DDAH1: variants seen among roughly 807,000 people sequenced by gnomAD.
DDAH1 encodes the protein dimethylarginine dimethylaminohydrolase 1.
A neutral mutation model predicts 28.8 loss-of-function variants in DDAH1; 19 were observed. The observed-to-expected ratio is 0.66, with a 90% CI of 0.46 to 0.97. DDAH1 has a LOEUF of 0.97. Among genes scored for constraint, DDAH1 ranks in the 50% least tolerant of loss-of-function variants. DDAH1 has a pLI of 0.00. For synonymous variants in DDAH1, 153 were observed against 154.4 expected, an observed-to-expected ratio of 0.99 and a Z score of 0.07; for missense variants, 326 against 375.9, an observed-to-expected ratio of 0.87 and a Z score of 1.10.
intron 1 of DDAH1, among the ~76,000 whole-genome samples, chr1:85,506,743 T>C (rs10493769): frequency 0.31 from 47,120 of 152,124 alleles, 7,586 homozygotes; most frequent in East Asian, 0.5. Context: ...GACTTTACCA[T>C]GTGGGTGATG....
At chr1:85,528,237 T>A (rs1657940792) in intron 1 of DDAH1, among the ~76,000 whole-genome samples, 1 of 151,558 alleles carries the variant, frequency 6.6e-6, no homozygotes, top group African/African-American at 2.4e-5. Context: ...TAAAAAAAAA[T>A]TTCACAAAAC....
At chr1:85,497,636 C>CA (rs1656647118) in intron 1 of DDAH1, among the ~76,000 whole-genome samples, 1 of 152,074 alleles carries the variant, frequency 6.6e-6, no homozygotes, top group Admixed American at 6.5e-5. Context: ...AACTGAGATA[C>CA]ACATGATTGC....
Position 85,428,839 on chromosome 1 carries a change from G to GCCTT in DDAH1, c.303+35900_303+35903dup, listed in dbSNP as rs535932636. Reference sequence around the variant, plus strand: ...TGCTGGATTAAAATTTTCTGGTGCAGCCTTCTTCTATTGAATATGTATGAT... The same window carrying GCCTT: ...TGCTGGATTAAAATTTTCTGGTGCAGCCTTCCTTCTTCTATTGAATATGTATGAT... On this transcript the variant is annotated intron_variant, in intron 1 of 5. Coordinates refer to ENST00000284031, the MANE Select transcript of DDAH1 (RefSeq NM_012137.4). Among the ~76,000 whole-genome samples the GCCTT allele has an allele frequency of 1.4e-3, 214 of 152,058 alleles. 1 individual carries two copies. Among genetic ancestry groups the GCCTT allele is most frequent in the African/African-American group, 4.8e-3 (198 of 41,492 alleles).
intron 1 of DDAH1, among the ~76,000 whole-genome samples, chr1:85,443,515 T>C (rs895065472): frequency 1.3e-5 from 2 of 152,200 alleles, no homozygotes; most frequent in Non-Finnish European, 2.9e-5. Context: ...TGGGGGCTCT[T>C]TGTTGGTTCC....
intron 4 of DDAH1, among the ~76,000 whole-genome samples, chr1:85,344,546 C>T (rs1648717842): frequency 6.6e-6 from 1 of 151,830 alleles, no homozygotes; most frequent in Admixed American, 6.6e-5. Context: ...CCCCTGACCT[C>T]CCTCCCTCTC....
chr1:85,416,112 G>A (rs555312500), intron 1 of DDAH1, among the ~76,000 whole-genome samples: 1 of 152,028 alleles, frequency 6.6e-6, no homozygotes, highest in East Asian at 1.9e-4. Flanking sequence ...CTTATGTTAG[G>A]ACATATTTGC....
intron 1 of DDAH1, among the ~76,000 whole-genome samples, chr1:85,558,039 G>C (rs1408258165): frequency 1.3e-5 from 2 of 151,766 alleles, no homozygotes; most frequent in Non-Finnish European, 2.9e-5. Context: ...AGGAGACAAA[G>C]AAAATGCACT....
At chr1:85,570,190 T>C (rs1422984869) in intron 1 of DDAH1, among the ~76,000 whole-genome samples, 1 of 152,182 alleles carries the variant, frequency 6.6e-6, no homozygotes, top group Non-Finnish European at 1.5e-5. Context: ...ATAGCAAGTG[T>C]ACCCTCTGAC....
chr1:85,333,030 C>CG (rs35901619), intron 4 of DDAH1, among the ~76,000 whole-genome samples: 52,907 of 152,094 alleles, frequency 0.35, 9,324 homozygotes, highest in South Asian at 0.4. Context: ...AAAATCAGCC[C>CG]TCTGGACTTG....
At chr1:85,505,289 T>G (rs1231523196) in intron 1 of DDAH1, among the ~76,000 whole-genome samples, 1 of 152,092 alleles carries the variant, frequency 6.6e-6, no homozygotes, top group Non-Finnish European at 1.5e-5. Flanking sequence ...AATATCATAA[T>G]TATTCTTATT....
intron 1 of DDAH1, among the ~76,000 whole-genome samples, chr1:85,540,169 G>A (rs1658428289): frequency 6.6e-6 from 1 of 152,002 alleles, no homozygotes; most frequent in Non-Finnish European, 1.5e-5. Context: ...CTAGTAAATA[G>A]AGTATCATCC....
rs574613608 is a variant in DDAH1 at position 85,358,858 on chromosome 1, T to C, written c.304-11A>G. 7.4e-5 allele frequency: 116 copies of C among 1,563,396 alleles called. 1 individual carries two copies. In the South Asian group the frequency reaches 1.1e-3, roughly 15 times the overall value. ...TTTCATCATGTCAACCTGTTGAAAA[T>C]AAAATGATTCAGATTACTATGCTAC... On this transcript the variant is annotated splice_polypyrimidine_tract_variant and intron_variant, in intron 1 of 5. Coordinates refer to ENST00000284031, the MANE Select transcript of DDAH1 (RefSeq NM_012137.4).
rs1557495810 is a variant in DDAH1 at position 85,346,052 on chromosome 1, A to G, written c.597+4363T>C. On this transcript the variant is annotated intron_variant, in intron 4 of 5. Transcript: ENST00000284031. ...AATCCACTTCATTAACCAAGAGTAG[A>G]TTGCAACCCATTACAAAGTATTTCA... 2.6e-5 allele frequency among the ~76,000 whole-genome samples: 4 copies of G among 152,354 alleles called. No homozygotes were observed. The South Asian group carries it at 8.3e-4, about 32-fold the overall frequency.
rs372601589 is a variant in DDAH1 at position 85,323,240 on chromosome 1, CA to C, written c.741+1499del. 3.3e-3 allele frequency among the ~76,000 whole-genome samples: 473 copies of C among 145,436 alleles called. 11 individuals carry two copies. Among genetic ancestry groups the C allele is most frequent in the Admixed American group, 0.03 (437 of 14,690 alleles). On this transcript the variant is annotated intron_variant, in intron 5 of 5. Coordinates refer to ENST00000284031, the MANE Select transcript of DDAH1 (RefSeq NM_012137.4). The stretch of plus-strand genomic sequence containing the variant: ...TTTCTAATATTTGCGAAGCTTAAGA[CA>C]AAAAAAAAAGATCAATGATTACTAA...
At chr1:85,410,636 T>TGAA (rs1652611421) in intron 1 of DDAH1, among the ~76,000 whole-genome samples, 3 of 27,616 alleles carry the variant, frequency 1.1e-4, no homozygotes, top group Admixed American at 4.1e-4. Context: ...AAGCTCTGCC[T>TGAA]CAAAAAAAAA....
chr1:85,497,303 A>G (rs1656634156), intron 1 of DDAH1, among the ~76,000 whole-genome samples: 1 of 152,242 alleles, frequency 6.6e-6, no homozygotes, highest in Admixed American at 6.5e-5. Context: ...TGTACTCTCT[A>G]TTGGTATATA....
intron 4 of DDAH1, among the ~76,000 whole-genome samples, chr1:85,340,751 C>G (rs1648424739): frequency 6.6e-6 from 1 of 152,062 alleles, no homozygotes; most frequent in African/African-American, 2.4e-5. Flanking sequence ...TCAGCTTCTA[C>G]TCCTCTGCTA....
chr1:85,324,321 T>C lies in DDAH1; in HGVS notation c.741+419A>G, dbSNP rs532548214. ...TAATAAATAAAAAAATAAAAAGAAA[T>C]AAAAAGAAAAGCTGCCCTTTTCTGA... is the stretch of plus-strand genomic sequence containing the variant. On this transcript the variant is annotated intron_variant, in intron 5 of 5. Coordinates refer to ENST00000284031, the MANE Select transcript of DDAH1 (RefSeq NM_012137.4). Among the ~76,000 whole-genome samples, 3 of 134,306 alleles carry C rather than the reference T, an allele frequency of 2.2e-5. No individual in the cohort carries two copies. The South Asian group carries it at 7.8e-4, about 35-fold the overall frequency. 88.1% of individuals were successfully genotyped at this position (134,306 alleles called of 152,430 possible).
At chr1:85,497,222 G>A (rs994376842) in intron 1 of DDAH1, among the ~76,000 whole-genome samples, 2 of 152,214 alleles carry the variant, frequency 1.3e-5, no homozygotes, top group East Asian at 1.9e-4. Context: ...TTAAATAAAA[G>A]GTGTCATACA....
Sources: gnomAD v4.1 joint callset for allele counts (sites outside exome capture counted in the v4.1 genomes callset) on GRCh38, gnomAD v4.1.1 for gene constraint, MANE v1.5 for transcripts, NCBI Gene and HGNC (gene_info 2026-07-23, HGNC 2026-07-21) for gene names.